ATP6V0E1: variants seen among roughly 807,000 people sequenced by gnomAD.
ATP6V0E1 encodes ATPase H+ transporting V0 subunit e1.
ATP6V0E1 carries 4 observed loss-of-function variants against 11.6 expected under a neutral mutation model. The observed-to-expected ratio is 0.35, with a 90% CI of 0.17 to 0.79. ATP6V0E1 has a LOEUF of 0.79. Ranked by LOEUF, ATP6V0E1 falls within the 30% of genes least tolerant of loss-of-function variation. The pLI, the probability that ATP6V0E1 is intolerant of heterozygous loss-of-function variation, is 0.54. For missense variants in ATP6V0E1, 105 were observed against 100.0 expected (o/e 1.05, Z -0.21); for synonymous variants, 36 against 34.8 (o/e 1.04, Z -0.13).
In ATP6V0E1 at chr5:173,008,205, A is replaced by C. The variant is rs187594314; in HGVS notation, c.153-12033A>C. The stretch of plus-strand genomic sequence containing the variant: ...CATTGAATTGCACTTCATTTGCCTA[A>C]TGTTCAGAGCTGAGAGGCAATAAAT... On this transcript the variant is annotated intron_variant, in intron 2 of 3. Coordinates refer to ENST00000519374, the MANE Select transcript of ATP6V0E1 (RefSeq NM_003945.4). 2.4e-4 allele frequency among the ~76,000 whole-genome samples: 36 copies of C among 152,236 alleles called. No homozygotes were observed. The East Asian group carries it at 5.6e-3, about 24-fold the overall frequency.
rs569050256 is a variant in ATP6V0E1 at position 173,027,112 on chromosome 5, G to T, written c.*36+6745G>T. The stretch of plus-strand genomic sequence containing the variant: ...GATAATGGCATGAACCTGGGAGGCG[G>T]AGCTTGCAGTTAGCAGAGATTGTGC... On this transcript the variant is annotated intron_variant, in intron 3 of 3. Coordinates refer to ENST00000519374, the MANE Select transcript of ATP6V0E1 (RefSeq NM_003945.4). Among the ~76,000 whole-genome samples the T allele has an allele frequency of 4.4e-4, 65 of 148,256 alleles. 1 individual carries two copies. The highest frequency in any genetic ancestry group is 1.6e-3 in the African/African-American group (65 of 40,142).
intron 2 of ATP6V0E1, among the ~76,000 whole-genome samples, chr5:173,001,056 GCA>G (rs1756143829): frequency 6.6e-6 from 1 of 152,168 alleles, no homozygotes; most frequent in Non-Finnish European, 1.5e-5. Context: ...TTATTTGTAA[GCA>G]CAGTTTCCTT....
At chr5:172,996,574 A>AAAATACATAC (rs1292001050) in intron 2 of ATP6V0E1, among the ~76,000 whole-genome samples, 2 of 151,706 alleles carry the variant, frequency 1.3e-5, no homozygotes, top group African/African-American at 2.4e-5. Context: ...AAAAAAAAAA[A>AAAATACATAC]ATACATACAT....
intron 3 of ATP6V0E1, among the ~76,000 whole-genome samples, chr5:173,022,204 G>A (rs4868236): frequency 0.17 from 26,131 of 152,108 alleles, 3,705 homozygotes; most frequent in East Asian, 0.72. Flanking sequence ...AGCTTTAAAT[G>A]CCTTGACTAG....
At chr5:173,033,968 C>T (rs1756703011) in intron 3 of ATP6V0E1, among the ~76,000 whole-genome samples, 1 of 152,226 alleles carries the variant, frequency 6.6e-6, no homozygotes, top group Admixed American at 6.5e-5. Flanking sequence ...AGCTACAGGG[C>T]AGCCTCCAGT....
At chr5:173,012,364 A>C (rs1344857035) in intron 2 of ATP6V0E1, among the ~76,000 whole-genome samples, 1 of 151,154 alleles carries the variant, frequency 6.6e-6, no homozygotes, top group Admixed American at 6.6e-5. Flanking sequence ...GTACATGCAT[A>C]TGTGTATGCA....
chr5:173,000,052 G>A (rs1756130162), intron 2 of ATP6V0E1, among the ~76,000 whole-genome samples: 1 of 152,036 alleles, frequency 6.6e-6, no homozygotes, highest in Non-Finnish European at 1.5e-5. Context: ...TCTTGAAAAT[G>A]CCCCTTTTCA....
chr5:173,024,214 AAAG>A (rs1248563873), intron 3 of ATP6V0E1, among the ~76,000 whole-genome samples: 3,880 of 150,172 alleles, frequency 0.026, 68 homozygotes, highest in East Asian at 0.071. Context: ...AAAAAAAAAA[AAAG>A]AAAGAAATAC....
chr5:173,027,323 TAAAA>T (rs747815879), intron 3 of ATP6V0E1, among the ~76,000 whole-genome samples: 89 of 104,336 alleles, frequency 8.5e-4, no homozygotes, highest in African/African-American at 2.9e-3. Context: ...CTGTCTCTAC[TAAAA>T]AAAAAAAAAA....
intron 3 of ATP6V0E1, among the ~76,000 whole-genome samples, chr5:173,032,242 T>A (rs547683450): frequency 7.1e-3 from 110 of 15,472 alleles, no homozygotes; most frequent in South Asian, 0.016. Context: ...CATTTACTTT[T>A]ATTTTATTTT....
At chr5:172,987,159 G>T in intron 1 of ATP6V0E1, 1 of 201,034 alleles carries the variant, frequency 5.0e-6, no homozygotes, top group South Asian at 7.3e-5. Context: ...CATGGGGAAG[G>T]GGCCCCTGGT....
rs549343891 is a variant in ATP6V0E1, at chr5:173,020,749, G to A, written c.*36+382G>A. Reference sequence around the variant, plus strand: ...TCTTTCCAGCAGTAGTCAGCCATCCGGACAGAACCGTTCCTGTGATGGTGT... The same window carrying A: ...TCTTTCCAGCAGTAGTCAGCCATCCAGACAGAACCGTTCCTGTGATGGTGT... On this transcript the variant is annotated intron_variant, in intron 3 of 3. Transcript: ENST00000519374. 2.3e-5 allele frequency: 12 copies of A among 519,356 alleles called. 1 individual carries two copies. The highest frequency in any genetic ancestry group is 3.3e-4 in the Middle Eastern group (1 of 3,018). The allele number at this position is 519,356 out of a possible 1,614,324, so 32.2% of individuals were successfully genotyped here.
chr5:173,023,470 A>T (rs1277022633), intron 3 of ATP6V0E1, among the ~76,000 whole-genome samples: 1 of 152,258 alleles, frequency 6.6e-6, no homozygotes, highest in Non-Finnish European at 1.5e-5. Flanking sequence ...TACTGGGATT[A>T]TAGGCGTAAG....
At chr5:172,997,516 C>T (rs985512229) in intron 2 of ATP6V0E1, among the ~76,000 whole-genome samples, 1 of 152,098 alleles carries the variant, frequency 6.6e-6, no homozygotes, top group African/African-American at 2.4e-5. Context: ...AAGTGAAAGA[C>T]TAAAGGTCAG....
chr5:173,029,698 T>TA (rs1375817433), intron 3 of ATP6V0E1, among the ~76,000 whole-genome samples: 1 of 152,212 alleles, frequency 6.6e-6, no homozygotes, highest in Non-Finnish European at 1.5e-5. Context: ...TTGTTTTGTT[T>TA]AACCTAAGGT....
At chr5:172,992,114 G>T (rs886595386) in intron 1 of ATP6V0E1, among the ~76,000 whole-genome samples, 3 of 151,500 alleles carry the variant, frequency 2.0e-5, no homozygotes, top group Admixed American at 1.3e-4. Flanking sequence ...GCAGTGGCGC[G>T]ATCTCGGCTC....
chr5:172,985,261 AAG>A (rs1755879372), intron 1 of ATP6V0E1, among the ~76,000 whole-genome samples: 1 of 151,768 alleles, frequency 6.6e-6, no homozygotes, highest in Non-Finnish European at 1.5e-5. Context: ...AAAAAAAAAA[AAG>A]AAAGAAAAAG....
At chr5:172,985,415 C>T (rs1053744485) in intron 1 of ATP6V0E1, among the ~76,000 whole-genome samples, 7 of 152,022 alleles carry the variant, frequency 4.6e-5, no homozygotes, top group African/African-American at 9.7e-5. Context: ...CAAGTTCCTC[C>T]TCCCTGGTAA....
intron 3 of ATP6V0E1, among the ~76,000 whole-genome samples, chr5:173,029,770 T>C (rs912372792): frequency 3.9e-5 from 6 of 152,102 alleles, no homozygotes; most frequent in African/African-American, 1.2e-4. Context: ...AGCACACAAC[T>C]TTTGCCGGGT....
Sources: allele counts gnomAD v4.1 joint callset (sites outside exome capture counted in the v4.1 genomes callset), GRCh38; gene constraint gnomAD v4.1.1; transcripts MANE v1.5; gene names NCBI Gene and HGNC (gene_info 2026-07-23, HGNC 2026-07-21).